The following BEND3 variants were observed in gnomAD, a reference collection of about 807,000 sequenced individuals.
The protein encoded by BEND3 is BEN domain containing 3.
In BEND3, 13 loss-of-function variants were observed where a neutral mutation model predicts 60.1. The ratio of observed to expected loss-of-function variants is 0.22; its 90% CI spans 0.14 to 0.34. The LOEUF (loss-of-function observed/expected upper bound fraction) is 0.34, where lower values mean the gene tolerates loss of function less well. Among genes scored for constraint, BEND3 ranks in the 10% least tolerant of loss-of-function variants. The pLI is 1.00. For synonymous variants in BEND3, 497 were observed against 491.5 expected (o/e 1.01, Z -0.15); for missense variants, 896 against 1,138.1 (o/e 0.79, Z 3.06).
At chr6:107,108,325 A>T (rs549129295) in intron 1 of BEND3, among the ~76,000 whole-genome samples, 1 of 152,288 alleles carries the variant, frequency 6.6e-6, no homozygotes, top group African/African-American at 2.4e-5. Flanking sequence ...AGTTCCACTT[A>T]CGTTCTCCCC....
rs1582636873 is a variant in BEND3 at position 107,069,357 on chromosome 6, T to C, written c.1834A>G (p.Lys612Glu). The change falls in exon 4 of 4, where the codon AAG becomes GAG. Residue 612 changes from lysine to glutamate, a missense_variant. Lys to Glu is a moderately conservative substitution (Grantham distance 56). Coordinates refer to ENST00000369042, the MANE Select transcript of BEND3 (RefSeq NM_001367314.1). ...GKKQLDPSRI[K>E]LIRHYVQLLY... ...AGCTGCACGTAGTGGCGGATGAGCTTGATGCGGGAGGGGTCCAGCTGCTTC... is the reference window on the plus strand; with the variant it reads ...AGCTGCACGTAGTGGCGGATGAGCTCGATGCGGGAGGGGTCCAGCTGCTTC... 1 of 1,612,742 alleles carries C rather than the reference T, an allele frequency of 6.2e-7. No homozygotes were observed. Among genetic ancestry groups the C allele is most frequent in the Non-Finnish European group, 8.5e-7 (1 of 1,179,846 alleles).
intron 1 of BEND3, chr6:107,114,193 A>C (rs1469636501): frequency 6.6e-6 from 1 of 152,296 alleles, no homozygotes; most frequent in Non-Finnish European, 1.5e-5. Flanking sequence ...CAGCTCACGG[A>C]TGAGGCAAGG....
chr6:107,087,274 G>A (rs1554234435), intron 3 of BEND3, among the ~76,000 whole-genome samples: 1 of 151,814 alleles, frequency 6.6e-6, no homozygotes, highest in Non-Finnish European at 1.5e-5. Flanking sequence ...AGCAGAGATT[G>A]CGCCTCTGCA....
Position 107,069,751 on chromosome 6 carries a change from G to A in BEND3, c.1440C>T (p.Leu480=), listed in dbSNP as rs75435915. Reference sequence around the variant, plus strand: ...TGCCCGCGTCCAGCCCCAGGCCCTCGAGCTCGTCGTTGATGCGCTGGGCAC... The same window carrying A: ...TGCCCGCGTCCAGCCCCAGGCCCTCAAGCTCGTCGTTGATGCGCTGGGCAC... ...QQCAQRINDE[L]EGLGLDAGSE... The change falls in exon 4 of 4, where the codon CTC becomes CTT. Residue 480 remains leucine, a synonymous_variant. Coordinates refer to ENST00000369042, the MANE Select transcript of BEND3 (RefSeq NM_001367314.1). 6.1e-3 allele frequency: 9,756 copies of A among 1,612,348 alleles called. 248 individuals carry two copies. In the African/African-American group the frequency reaches 0.08, roughly 13 times the overall value.
intron 3 of BEND3, among the ~76,000 whole-genome samples, chr6:107,083,253 T>C (rs782494220): frequency 2.6e-5 from 4 of 152,136 alleles, no homozygotes; most frequent in Non-Finnish European, 4.4e-5. Flanking sequence ...TTTGCCCAGA[T>C]CACAAGGTAT....
Position 107,068,463 on chromosome 6 carries a change from C to T in BEND3, c.*241G>A. On this transcript the variant is annotated 3_prime_UTR_variant, in exon 4 of 4. Transcript: ENST00000369042. The surrounding 1 kb of genome is among the most constrained non-coding windows in gnomAD (Gnocchi z 5.8). ...CTGCCCTCACAGCTTGCTCTCCCCA[C>T]ACTCAGGCTGCCCCGCCGGGGCACA... The T allele has an allele frequency of 2.0e-6, 1 of 505,188 alleles. No individual in the cohort carries two copies. Among genetic ancestry groups the T allele is most frequent in the Non-Finnish European group, 3.5e-6 (1 of 286,894 alleles). 31.3% of individuals were successfully genotyped at this position (505,188 alleles called of 1,614,324 possible). A position where few individuals can be genotyped will look rare whatever the true frequency, so the allele number is the denominator to read the frequency against.
At chr6:107,073,043 T>C (rs1337958591) in intron 3 of BEND3, among the ~76,000 whole-genome samples, 1 of 151,394 alleles carries the variant, frequency 6.6e-6, no homozygotes, top group African/African-American at 2.4e-5. Flanking sequence ...TAGAATAATC[T>C]GACTCATATT....
At chr6:107,071,345 C>G (rs1308762039) in intron 3 of BEND3, among the ~76,000 whole-genome samples, 1 of 152,240 alleles carries the variant, frequency 6.6e-6, no homozygotes, top group Non-Finnish European at 1.5e-5. Flanking sequence ...ACGGGCAGGT[C>G]ACCCCATGGA....
intron 3 of BEND3, among the ~76,000 whole-genome samples, chr6:107,090,003 T>G (rs1337385044): frequency 6.6e-6 from 1 of 151,974 alleles, no homozygotes; most frequent in African/African-American, 2.4e-5. Context: ...AGCCAGAATA[T>G]CCAAAGCTAT....
At chr6:107,075,783 G>C (rs1554232703) in intron 3 of BEND3, among the ~76,000 whole-genome samples, 1 of 152,120 alleles carries the variant, frequency 6.6e-6, no homozygotes, top group Non-Finnish European at 1.5e-5. Context: ...ACTTGCCCAG[G>C]GGAGAAATGA....
chr6:107,097,856 G>A (rs1278382162), intron 3 of BEND3, among the ~76,000 whole-genome samples: 1 of 147,706 alleles, frequency 6.8e-6, no homozygotes, highest in African/African-American at 2.5e-5. Flanking sequence ...GATGTGGAAT[G>A]TAGGTCCTCA....
At chr6:107,079,396 C>T (rs1775176055) in intron 3 of BEND3, among the ~76,000 whole-genome samples, 1 of 152,188 alleles carries the variant, frequency 6.6e-6, no homozygotes, top group South Asian at 2.1e-4. Context: ...GCCCTCTGTC[C>T]TTGCAACAAG....
intron 1 of BEND3, among the ~76,000 whole-genome samples, chr6:107,109,140 G>C (rs1030425998): frequency 6.0e-5 from 9 of 150,642 alleles, no homozygotes; most frequent in African/African-American, 2.2e-4. Context: ...TTTCAACTTG[G>C]ATTAAAAATT....
At chr6:107,074,553 G>C (rs1554232526) in intron 3 of BEND3, among the ~76,000 whole-genome samples, 2 of 152,158 alleles carry the variant, frequency 1.3e-5, no homozygotes, top group African/African-American at 4.8e-5. Context: ...CACTGAGAAG[G>C]ACTTTCCCAC....
At position 107,069,127 on chromosome 6, in the gene BEND3, T is replaced by C. The variant is rs782496159; in HGVS notation, c.2064A>G (p.Pro688=). ...ERFREEFEGP[P]LPPERSSKDF... is the part of the protein sequence containing the mutation. ...CCTTGCTGCTCCTCTCGGGGGGCAGTGGGGGCCCCTCAAACTCCTCCCGGA... is the reference window on the plus strand; with the variant it reads ...CCTTGCTGCTCCTCTCGGGGGGCAGCGGGGGCCCCTCAAACTCCTCCCGGA... The change falls in exon 4 of 4, where the codon CCA becomes CCG. Residue 688 remains proline (P), a synonymous_variant. Coordinates refer to ENST00000369042, the MANE Select transcript of BEND3 (RefSeq NM_001367314.1). 3 of 1,612,378 alleles carry C rather than the reference T, an allele frequency of 1.9e-6. No individual in the cohort carries two copies. The Admixed American group carries it at 5.0e-5, about 27-fold the overall frequency.
chr6:107,091,662 T>C (rs1775477284), intron 3 of BEND3, among the ~76,000 whole-genome samples: 1 of 152,142 alleles, frequency 6.6e-6, no homozygotes, highest in Admixed American at 6.6e-5. Flanking sequence ...CAGTAACTAA[T>C]AGCCTTCCAA....
At chr6:107,076,788 G>A (rs1391930554) in intron 3 of BEND3, among the ~76,000 whole-genome samples, 1 of 152,110 alleles carries the variant, frequency 6.6e-6, no homozygotes, top group Non-Finnish European at 1.5e-5. Context: ...TCGCATGAAT[G>A]ATGCTTATAC....
chr6:107,072,450 A>G (rs1582641127), intron 3 of BEND3, among the ~76,000 whole-genome samples: 1 of 152,348 alleles, frequency 6.6e-6, no homozygotes, highest in Admixed American at 6.5e-5. Flanking sequence ...TCATCCAGGC[A>G]GATCAGGGTT....
rs1774917372 is a variant in BEND3 at position 107,069,619 on chromosome 6, G to T, written c.1572C>A (p.Arg524=). Residue 524 remains arginine, a synonymous_variant, in exon 4 of 4, where the codon CGC becomes CGA. Coordinates refer to ENST00000369042, the MANE Select transcript of BEND3 (RefSeq NM_001367314.1). The part of the protein sequence containing the change: ...EDSFEGERPG[R]RSKKIWLVPI... The stretch of plus-strand genomic sequence containing the variant: ...GCACCAGCCAGATCTTCTTGGAGCG[G>T]CGACCCGGCCGCTCGCCCTCGAAGC... 6.2e-7 allele frequency: 1 copy of T among 1,611,520 alleles called. No homozygotes were observed. Among genetic ancestry groups the T allele is most frequent in the Non-Finnish European group, 8.5e-7 (1 of 1,180,010 alleles).
Sources: gnomAD v4.1 joint callset for allele counts (sites outside exome capture counted in the v4.1 genomes callset) on GRCh38, gnomAD v4.1.1 for gene constraint, Gnocchi (gnomAD v3.1) non-coding constraint, MANE v1.5 for transcripts, NCBI Gene and HGNC (gene_info 2026-07-23, HGNC 2026-07-21) for gene names.